Variants in CPLANE1 observed in about 807,000 individuals in gnomAD.
CPLANE1 encodes ciliogenesis and planar polarity effector 1.
In CPLANE1, 263 loss-of-function variants were observed where a neutral mutation model predicts 362.5. The ratio of observed to expected loss-of-function variants is 0.73; its 90% confidence interval spans 0.66 to 0.80. The LOEUF is 0.80. CPLANE1 is among the 30% of genes least tolerant of loss of function. CPLANE1 has a pLI of 0.00. For missense variants in CPLANE1, 3,461 were observed against 3,793.4 expected (o/e 0.91, Z 2.30); for synonymous variants, 1,212 against 1,302.6 (o/e 0.93, Z 1.50).
At chr5:37,129,143 A>G (rs557495704) in intron 46 of CPLANE1, among the ~76,000 whole-genome samples, 1 of 152,294 alleles carries the variant, frequency 6.6e-6, no homozygotes, top group South Asian at 2.1e-4. Flanking sequence ...ACAAACAAAA[A>G]CATAAAGGGG....
intron 46 of CPLANE1, among the ~76,000 whole-genome samples, chr5:37,134,069 T>C (rs2150289453): frequency 6.6e-6 from 1 of 152,374 alleles, no homozygotes; most frequent in East Asian, 1.9e-4. Flanking sequence ...TTTTTACTTC[T>C]ATATTCATCA....
chr5:37,185,543 A>G (rs1477549904), intron 24 of CPLANE1, among the ~76,000 whole-genome samples: 1 of 152,148 alleles, frequency 6.6e-6, no homozygotes, highest in Non-Finnish European at 1.5e-5. Context: ...AAGGCTGCCT[A>G]TAGAAACATT....
At chr5:37,215,634 T>A (rs1207432521) in intron 15 of CPLANE1, among the ~76,000 whole-genome samples, 1 of 151,960 alleles carries the variant, frequency 6.6e-6, no homozygotes, top group East Asian at 1.9e-4. Flanking sequence ...TTCACAACTT[T>A]AAGTTTTATT....
intron 15 of CPLANE1, among the ~76,000 whole-genome samples, chr5:37,218,595 TG>T (rs902085273): frequency 6.6e-6 from 1 of 152,206 alleles, no homozygotes; most frequent in African/African-American, 2.4e-5. Context: ...GGGGTAATTT[TG>T]GGGTCCCCAA....
intron 15 of CPLANE1, 49 bp from the exon 16 acceptor site, chr5:37,213,781 G>A: frequency 7.6e-7 from 1 of 1,323,912 alleles, no homozygotes; most frequent in South Asian, 2.1e-5. Flanking sequence ...ACTACCAAAA[G>A]TAATAATATT....
At chr5:37,242,750 G>C (rs1800834905) in intron 6 of CPLANE1, among the ~76,000 whole-genome samples, 1 of 152,078 alleles carries the variant, frequency 6.6e-6, no homozygotes, top group Non-Finnish European at 1.5e-5. Context: ...TATGGGGCCG[G>C]GTATGATGCC....
chr5:37,139,824 A>G lies in CPLANE1; in HGVS notation c.8633-454T>C, dbSNP rs945168795. ...CTTGGCCTCCCAAAGTGCTTGGATT[A>G]CAGGCATGGGCCATCGCACCCAGCC... On this transcript the variant is annotated intron_variant, in intron 44 of 52. Transcript: ENST00000651892. 1.0e-5 allele frequency: 10 copies of G among 984,206 alleles called. No individual in the cohort carries two copies. The African/African-American group carries it at 1.6e-4, about 15-fold the overall frequency. 61.0% of individuals were successfully genotyped at this position (984,206 alleles called of 1,614,324 possible). A position where few individuals can be genotyped will look rare whatever the true frequency, so the allele number is the denominator to read the frequency against.
Position 37,206,358 on chromosome 5 carries a change from G to C in CPLANE1, c.2988C>G (p.Leu996=), listed in dbSNP as rs1440436810. The change falls in exon 17 of 53, where the codon CTC becomes CTG. Residue 996 remains leucine (L), a synonymous_variant. Coordinates refer to ENST00000651892, the MANE Select transcript of CPLANE1 (RefSeq NM_001384732.1). ...CATATTCAACTGTCCACACATTAGA[G>C]AGATTCTGATCTCTAACAACACTGG... ...KVASVVRDQN[L]SNVWTVEYAL... The C allele has an allele frequency of 6.4e-7, 1 of 1,551,746 alleles. No individual in the cohort carries two copies. The highest frequency in any genetic ancestry group is 1.2e-5 in the South Asian group (1 of 84,062).
intron 21 of CPLANE1, among the ~76,000 whole-genome samples, chr5:37,195,325 G>A (rs549902021): frequency 6.6e-6 from 1 of 152,252 alleles, no homozygotes; most frequent in East Asian, 1.9e-4. Context: ...TTTAGGTCAG[G>A]CGCAATGGCT....
intron 21 of CPLANE1, among the ~76,000 whole-genome samples, chr5:37,191,984 G>A (rs943924324): frequency 2.0e-5 from 3 of 152,068 alleles, no homozygotes; most frequent in Non-Finnish European, 4.4e-5. Flanking sequence ...AGAAATGTCC[G>A]AGGCCTTCAA....
Position 37,176,135 on chromosome 5 carries a change from G to A in CPLANE1, c.5901-149C>T, listed in dbSNP as rs1781103441. 5.4e-6 allele frequency: 3 copies of A among 553,566 alleles called. No individual in the cohort carries two copies. The South Asian group carries it at 9.3e-5, about 17-fold the overall frequency. The allele number at this position is 553,566 out of a possible 1,614,324, so 34.3% of individuals were successfully genotyped here. ...TCATAATTACAATCTGTTTACATTT[G>A]TCTCCATAGCAATTAGTAACAGATC... On this transcript the variant is annotated intron_variant, in intron 30 of 52. Coordinates refer to ENST00000651892, the MANE Select transcript of CPLANE1 (RefSeq NM_001384732.1).
chr5:37,179,506 G>A, intron 28 of CPLANE1, 63 bp from the exon 29 acceptor site: 1 of 992,802 alleles, frequency 1.0e-6, no homozygotes, highest in Non-Finnish European at 1.6e-6. Context: ...TGACTTTTTA[G>A]GGGGCTCAGG....
intron 52 of CPLANE1, among the ~76,000 whole-genome samples, chr5:37,108,068 T>C (rs1758048997): frequency 6.6e-6 from 1 of 152,208 alleles, no homozygotes; most frequent in South Asian, 2.1e-4. Flanking sequence ...ATTTTGGTCA[T>C]TTTTTAGTTA....
chr5:37,167,268 T>A (rs1368344891), intron 34 of CPLANE1, 55 bp from the exon 35 acceptor site: 2 of 1,376,140 alleles, frequency 1.5e-6, no homozygotes, highest in Non-Finnish European at 2.0e-6. Context: ...AATTATGTAA[T>A]ATTTCAACAA....
intron 46 of CPLANE1, among the ~76,000 whole-genome samples, chr5:37,132,310 T>C (rs1766071216): frequency 6.6e-6 from 1 of 151,370 alleles, no homozygotes; most frequent in African/African-American, 2.4e-5. Flanking sequence ...TTTAATCTAG[T>C]TGTTCTTTGC....
At chr5:37,125,597 T>C (rs1358690817) in intron 46 of CPLANE1, among the ~76,000 whole-genome samples, 188 bp from the exon 47 acceptor site, 1 of 152,206 alleles carries the variant, frequency 6.6e-6, no homozygotes, top group Non-Finnish European at 1.5e-5. Flanking sequence ...CTCAGAAAGC[T>C]AACAACTTCT....
At chr5:37,157,932 CAAAAAAAAAAAAA>C (rs1157107088) in intron 39 of CPLANE1, 64 bp from the exon 40 acceptor site, 10 of 67,474 alleles carry the variant, frequency 1.5e-4, no homozygotes, top group East Asian at 4.1e-4. Context: ...GTCACTCCGC[CAAAAAAAAAAAAA>C]AAAAAAAAAA....
chr5:37,126,437 A>G (rs1216395347), intron 46 of CPLANE1, among the ~76,000 whole-genome samples: 2 of 152,112 alleles, frequency 1.3e-5, no homozygotes, highest in South Asian at 4.1e-4. Context: ...TTTACCATTG[A>G]CCTGGCTGAA....
the CPLANE1 span, among the ~76,000 whole-genome samples, chr5:37,087,917 C>A: frequency 1.3e-5 from 2 of 152,222 alleles, no homozygotes; most frequent in African/African-American, 4.8e-5. Context: ...TGTAGCCTAG[C>A]CAATACCTCC....
Sources: gnomAD v4.1 joint callset for allele counts (sites outside exome capture counted in the v4.1 genomes callset) on GRCh38, gnomAD v4.1.1 for gene constraint, MANE v1.5 for transcripts, NCBI Gene and HGNC (gene_info 2026-07-23, HGNC 2026-07-21) for gene names.